The following CORIN variants were observed in gnomAD, a reference collection of about 807,000 sequenced individuals.
The protein encoded by CORIN is corin, serine peptidase, also known as atrial natriuretic peptide-converting enzyme.
CORIN carries 117 observed loss-of-function variants against 125.3 expected under a neutral mutation model. The observed-to-expected ratio is 0.93, with a 90% CI of 0.80 to 1.09. CORIN has a LOEUF of 1.09. CORIN is among the 50% of genes least tolerant of loss of function. The pLI is 0.00. For missense variants in CORIN, 1,253 were observed against 1,306.7 expected (o/e 0.96, Z 0.63); for synonymous variants, 450 against 466.4 (o/e 0.96, Z 0.45).
chr4:47,719,384 A>G (rs1331553718), intron 5 of CORIN, among the ~76,000 whole-genome samples: 1 of 152,196 alleles, frequency 6.6e-6, no homozygotes, highest in Non-Finnish European at 1.5e-5. Context: ...CATATTTGTT[A>G]TATAAATGAA....
intron 5 of CORIN, among the ~76,000 whole-genome samples, chr4:47,719,833 T>C (rs1727266398): frequency 6.6e-6 from 1 of 152,212 alleles, no homozygotes; most frequent in Non-Finnish European, 1.5e-5. Flanking sequence ...TCACTGGGCA[T>C]GTTAGGCAAT....
intron 19 of CORIN, among the ~76,000 whole-genome samples, chr4:47,623,069 C>CCTCTCTCTCTCTCTCTCTCTCTCTCT (rs372736248): frequency 1.1e-5 from 1 of 93,612 alleles, no homozygotes; most frequent in Non-Finnish European, 1.9e-5. Context: ...CATAACATAA[C>CCTCTCTCTCTCTCTCTCTCTCTCTCT]CTCTCTCTCT....
chr4:47,721,114 G>A (rs1727326001), intron 5 of CORIN, among the ~76,000 whole-genome samples: 2 of 152,002 alleles, frequency 1.3e-5, no homozygotes, highest in African/African-American at 4.8e-5. Context: ...TCTTAGTGAG[G>A]GCCCTCTTCC....
At chr4:47,701,995 T>C (rs917398271) in intron 5 of CORIN, among the ~76,000 whole-genome samples, 1 of 152,216 alleles carries the variant, frequency 6.6e-6, no homozygotes, top group Non-Finnish European at 1.5e-5. Flanking sequence ...TTTTTGCTTA[T>C]TATCTATCTG....
At position 47,769,392 on chromosome 4, in the gene CORIN, AG is replaced by A. The variant is rs201814879; in HGVS notation, c.410-5807del. 6.0e-3 allele frequency among the ~76,000 whole-genome samples: 911 copies of A among 152,238 alleles called. 8 individuals are homozygous for A. The highest frequency in any genetic ancestry group is 0.02 in the African/African-American group (852 of 41,570). ...GAAGTGAAAGGAAACACAAATAAAT[AG>A]AAAAATATCCTGTATTCATGGTTTG... On this transcript the variant is annotated intron_variant, in intron 3 of 21. Coordinates refer to ENST00000273857, the MANE Select transcript of CORIN (RefSeq NM_006587.4).
At chr4:47,823,875 G>C (rs1732626473) in intron 1 of CORIN, among the ~76,000 whole-genome samples, 1 of 152,104 alleles carries the variant, frequency 6.6e-6, no homozygotes. Context: ...CTCCTACTCA[G>C]ACCCTGAACC....
At chr4:47,621,241 TC>T (rs1233275813) in intron 19 of CORIN, among the ~76,000 whole-genome samples, 2 of 152,004 alleles carry the variant, frequency 1.3e-5, no homozygotes, top group African/African-American at 4.8e-5. Context: ...GGATGCTGAG[TC>T]AAAAAAGGTA....
chr4:47,699,975 G>C (rs1177651944), intron 5 of CORIN, among the ~76,000 whole-genome samples: 3 of 152,190 alleles, frequency 2.0e-5, no homozygotes, highest in Non-Finnish European at 4.4e-5. Context: ...GGTTAGCAAG[G>C]AAAGGGGCTT....
At chr4:47,632,210 A>G (rs1359040531) in intron 16 of CORIN, 2 of 152,222 alleles carry the variant, frequency 1.3e-5, no homozygotes, top group African/African-American at 2.4e-5. Flanking sequence ...TTACCTAGAC[A>G]TGTAACACAC....
At chr4:47,723,997 A>G (rs1009149480) in intron 5 of CORIN, among the ~76,000 whole-genome samples, 8 of 146,594 alleles carry the variant, frequency 5.5e-5, no homozygotes, top group African/African-American at 2.0e-4. Context: ...CTCCATCTCA[A>G]AAAAAAAAAA....
chr4:47,628,429 CAT>C (rs896735854), intron 16 of CORIN, among the ~76,000 whole-genome samples: 1 of 144,602 alleles, frequency 6.9e-6, no homozygotes, highest in South Asian at 2.3e-4. Flanking sequence ...TCTATCACCA[CAT>C]AGTTACGTGT....
chr4:47,648,213 A>T (rs1290303633), intron 13 of CORIN, among the ~76,000 whole-genome samples: 3 of 152,226 alleles, frequency 2.0e-5, no homozygotes, highest in Non-Finnish European at 2.9e-5. Context: ...AAAAACAGGC[A>T]TGGATGGGAT....
At chr4:47,837,785 G>A in intron 1 of CORIN, 102 bp downstream of exon 1, 1 of 1,027,264 alleles carries the variant, frequency 9.7e-7, no homozygotes, top group Non-Finnish European at 1.5e-6. Flanking sequence ...GGTGGCATCG[G>A]GCGGAGGAGA....
rs201901844 is a variant in CORIN, at chr4:47,759,403, G to GA, written c.617+3975dup. On this transcript the variant is annotated intron_variant, in intron 4 of 21. Transcript: ENST00000273857. ...AACTAAAAGCTTCTGCACAGCAAAG[G>GA]AAATAACAGAGTGAAGAGACAACCT... Among the ~76,000 whole-genome samples the GA allele has an allele frequency of 8.1e-3, 1,234 of 152,174 alleles. 20 individuals carry two copies. The highest frequency in any genetic ancestry group is 0.028 in the African/African-American group (1,159 of 41,526).
chr4:47,822,416 T>A (rs1368659627), intron 1 of CORIN, among the ~76,000 whole-genome samples: 1 of 152,176 alleles, frequency 6.6e-6, no homozygotes, highest in East Asian at 1.9e-4. Context: ...ACCACCTAAT[T>A]CTCAGACCCC....
At chr4:47,763,700 G>A (rs968706403) in intron 3 of CORIN, 114 bp from the exon 4 acceptor site, 2 of 820,668 alleles carry the variant, frequency 2.4e-6, no homozygotes, top group African/African-American at 3.4e-5. Flanking sequence ...AAAAAATTTA[G>A]ATATGCAATC....
chr4:47,800,186 T>G (rs966859596), intron 2 of CORIN, among the ~76,000 whole-genome samples: 9 of 152,152 alleles, frequency 5.9e-5, no homozygotes, highest in African/African-American at 2.2e-4. Context: ...TTACATTATC[T>G]ATGAATATAC....
chr4:47,787,277 C>T (rs1431913909), intron 2 of CORIN, among the ~76,000 whole-genome samples: 1 of 152,160 alleles, frequency 6.6e-6, no homozygotes, highest in African/African-American at 2.4e-5. Flanking sequence ...TGTGGTGAAT[C>T]TTACAGCATT....
chr4:47,786,630 G>T, intron 3 of CORIN, 95 bp downstream of exon 3: 3 of 887,838 alleles, frequency 3.4e-6, no homozygotes, highest in South Asian at 1.6e-5. Flanking sequence ...TGTGTGACCG[G>T]CAAGTGATTG....
Sources: gnomAD v4.1 joint callset for allele counts (sites outside exome capture counted in the v4.1 genomes callset) on GRCh38, gnomAD v4.1.1 for gene constraint, MANE v1.5 for transcripts, NCBI Gene and HGNC (gene_info 2026-07-23, HGNC 2026-07-21) for gene names.